NKAIN2: variants seen among roughly 807,000 people sequenced by gnomAD.
The protein encoded by NKAIN2 is sodium/potassium-transporting ATPase subunit beta-1-interacting protein 2.
NKAIN2 carries 14 observed loss-of-function variants against 32.6 expected under a neutral mutation model. The ratio of observed to expected loss-of-function variants is 0.43; its 90% confidence interval spans 0.28 to 0.67. The LOEUF (loss-of-function observed/expected upper bound fraction) is 0.67, where lower values mean the gene tolerates loss of function less well. Among genes scored for constraint, NKAIN2 ranks in the 30% least tolerant of loss-of-function variants. The pLI, the probability that NKAIN2 is intolerant of heterozygous loss-of-function variation, is 0.17. For synonymous variants in NKAIN2, 80 were observed against 87.2 expected, an observed-to-expected ratio of 0.92 and a Z score of 0.46; for missense variants, 198 against 258.3, an observed-to-expected ratio of 0.77 and a Z score of 1.60.
intron 1 of NKAIN2, among the ~76,000 whole-genome samples, chr6:123,902,986 T>C (rs2114422334): frequency 6.6e-6 from 1 of 152,342 alleles, no homozygotes; most frequent in South Asian, 2.1e-4. Flanking sequence ...GTGGGAACTA[T>C]TGAAGATCAG....
chr6:124,088,264 A>G (rs1784275303), intron 1 of NKAIN2, among the ~76,000 whole-genome samples: 1 of 151,934 alleles, frequency 6.6e-6, no homozygotes, highest in African/African-American at 2.4e-5. Flanking sequence ...CAAAATAATA[A>G]TAATAAAATT....
chr6:124,694,270 C>T (rs1439973708), intron 4 of NKAIN2, among the ~76,000 whole-genome samples: 1 of 152,162 alleles, frequency 6.6e-6, no homozygotes, highest in Admixed American at 6.5e-5. Context: ...AGGAATAGTA[C>T]TTGAGGCTCA....
At chr6:124,432,002 GT>G (rs1257231271) in intron 3 of NKAIN2, among the ~76,000 whole-genome samples, 2 of 152,138 alleles carry the variant, frequency 1.3e-5, no homozygotes, top group African/African-American at 2.4e-5. Flanking sequence ...AAAAGCCATT[GT>G]TTGGCTTTTA....
At chr6:124,221,588 A>T (rs1335099418) in intron 1 of NKAIN2, among the ~76,000 whole-genome samples, 1 of 152,122 alleles carries the variant, frequency 6.6e-6, no homozygotes, top group Admixed American at 6.5e-5. Context: ...AAATAAAACG[A>T]TAATTAAGGT....
chr6:124,798,063 T>TTATCTATC lies in NKAIN2; in HGVS notation c.535+6701_535+6708dup, dbSNP rs35465154. Among the ~76,000 whole-genome samples, 456 of 148,594 alleles carry TTATCTATC rather than the reference T, an allele frequency of 3.1e-3. 5 individuals are homozygous for TTATCTATC. Among genetic ancestry groups the TTATCTATC allele is most frequent in the South Asian group, 4.8e-3 (22 of 4,604 alleles). ...TTCTTCCTTTCTTCTTATCTATCTA[T>TTATCTATC]TATCTATCTATCTATCTATCTATCT... On this transcript the variant is annotated intron_variant, in intron 5 of 6. Coordinates refer to ENST00000368417, the MANE Select transcript of NKAIN2 (RefSeq NM_001040214.3).
intron 3 of NKAIN2, chr6:124,490,421 T>G: frequency 2.4e-6 from 1 of 414,544 alleles, no homozygotes; most frequent in Non-Finnish European, 4.7e-6. Context: ...GGTTTTTTTT[T>G]TTTTTTTTTA....
chr6:124,033,087 C>A (rs1288113324), intron 1 of NKAIN2, among the ~76,000 whole-genome samples: 1 of 152,018 alleles, frequency 6.6e-6, no homozygotes, highest in Non-Finnish European at 1.5e-5. Flanking sequence ...AAATAGATTT[C>A]TCTTTCTTTT....
chr6:124,280,641 C>T (rs1051696274), intron 1 of NKAIN2, among the ~76,000 whole-genome samples: 3 of 152,152 alleles, frequency 2.0e-5, no homozygotes, highest in Admixed American at 2.0e-4. Flanking sequence ...AGTAGGTGTT[C>T]TAACAAATAT....
intron 3 of NKAIN2, among the ~76,000 whole-genome samples, chr6:124,399,991 A>G (rs1773558264): frequency 6.6e-6 from 1 of 152,204 alleles, no homozygotes; most frequent in Admixed American, 6.5e-5. Context: ...GCTTCCTCCT[A>G]TTTGATAAAA....
intron 1 of NKAIN2, among the ~76,000 whole-genome samples, chr6:124,180,626 TAACTC>T (rs1789395555): frequency 6.6e-6 from 1 of 152,130 alleles, no homozygotes; most frequent in African/African-American, 2.4e-5. Context: ...CCCAAAGTCT[TAACTC>T]ATTTCAGCAT....
chr6:124,678,566 C>G (rs911340667), intron 4 of NKAIN2, among the ~76,000 whole-genome samples: 1 of 151,880 alleles, frequency 6.6e-6, no homozygotes, highest in Non-Finnish European at 1.5e-5. Flanking sequence ...TCATTTGGTT[C>G]GTTTTAATAT....
intron 1 of NKAIN2, among the ~76,000 whole-genome samples, chr6:123,870,502 T>G (rs1049941350): frequency 6.6e-6 from 1 of 152,182 alleles, no homozygotes; most frequent in Non-Finnish European, 1.5e-5. Flanking sequence ...GAGCAACGAT[T>G]GATGTTCTCT....
chr6:123,889,201 A>G (rs1582720913), intron 1 of NKAIN2, among the ~76,000 whole-genome samples: 1 of 151,802 alleles, frequency 6.6e-6, no homozygotes, highest in African/African-American at 2.4e-5. Context: ...ATGATAGTGC[A>G]TTTCATCATA....
intron 1 of NKAIN2, among the ~76,000 whole-genome samples, chr6:124,228,837 G>A (rs1190306435): frequency 6.6e-6 from 1 of 152,116 alleles, no homozygotes; most frequent in Non-Finnish European, 1.5e-5. Context: ...TCAATGCAAA[G>A]CAATGTATAC....
At chr6:124,685,750 T>C (rs1583642898) in intron 4 of NKAIN2, among the ~76,000 whole-genome samples, 1 of 152,188 alleles carries the variant, frequency 6.6e-6, no homozygotes, top group African/African-American at 2.4e-5. Context: ...TAAAAATATC[T>C]TGACTACGAA....
At chr6:123,948,195 A>G (rs999084792) in intron 1 of NKAIN2, among the ~76,000 whole-genome samples, 1 of 152,018 alleles carries the variant, frequency 6.6e-6, no homozygotes, top group African/African-American at 2.4e-5. Context: ...TTGCTTTTAT[A>G]TATTTGCTAT....
intron 1 of NKAIN2, among the ~76,000 whole-genome samples, chr6:124,070,300 A>G (rs1783388861): frequency 6.6e-6 from 1 of 152,186 alleles, no homozygotes; most frequent in South Asian, 2.1e-4. Flanking sequence ...ACCTCTGACC[A>G]AGAGGCACAG....
intron 1 of NKAIN2, among the ~76,000 whole-genome samples, chr6:123,954,969 G>T (rs112525936): frequency 1.6e-4 from 25 of 152,148 alleles, no homozygotes; most frequent in African/African-American, 6.0e-4. Context: ...TTTGCAGGGT[G>T]TACTGAGCTG....
intron 1 of NKAIN2, among the ~76,000 whole-genome samples, chr6:124,263,266 A>G (rs1794333301): frequency 6.6e-6 from 1 of 152,176 alleles, no homozygotes; most frequent in Non-Finnish European, 1.5e-5. Flanking sequence ...CTATCAATGG[A>G]TCTTGAATTT....
Sources: gnomAD v4.1 joint callset for allele counts (sites outside exome capture counted in the v4.1 genomes callset) on GRCh38, gnomAD v4.1.1 for gene constraint, MANE v1.5 for transcripts, NCBI Gene and HGNC (gene_info 2026-07-23, HGNC 2026-07-21) for gene names.